The following BEGAIN variants were observed in gnomAD, a reference collection of about 807,000 sequenced individuals.
BEGAIN encodes the protein brain-enriched guanylate kinase-associated protein.
BEGAIN carries 19 observed loss-of-function variants against 35.8 expected under a neutral mutation model. The ratio of observed to expected loss-of-function variants is 0.53; its 90% CI spans 0.37 to 0.78. The LOEUF is 0.78. Among genes scored for constraint, BEGAIN ranks in the 30% least tolerant of loss-of-function variants. The pLI is 0.00. For synonymous variants in BEGAIN, 462 were observed against 388.6 expected, an observed-to-expected ratio of 1.19 and a Z score of -2.22; for missense variants, 795 against 853.6, an observed-to-expected ratio of 0.93 and a Z score of 0.85.
chr14:100,579,695 A>T (rs943342445), intron 1 of BEGAIN, among the ~76,000 whole-genome samples: 2 of 152,160 alleles, frequency 1.3e-5, no homozygotes, highest in Non-Finnish European at 2.9e-5. Flanking sequence ...ACCTCTCTGA[A>T]TGCCCAAAGC....
rs1410157609 is a variant in BEGAIN at position 100,558,143 on chromosome 14, A to G, written c.71+9768T>C. 1.3e-5 allele frequency among the ~76,000 whole-genome samples: 2 copies of G among 152,096 alleles called. No homozygotes were observed. Among genetic ancestry groups the G allele is most frequent in the Non-Finnish European group, 2.9e-5 (2 of 68,030 alleles). On this transcript the variant is annotated intron_variant, in intron 2 of 6. Coordinates refer to ENST00000554140, the MANE Select transcript of BEGAIN (RefSeq NM_001385089.1). The surrounding 1 kb of genome is among the most constrained non-coding windows in gnomAD (Gnocchi z 4.6). ...CGTGGTTGCTCTTCCCATATTGAGA[A>G]CAACCCTCTCTTCACCCTCCAGGTA...
rs1330441252 is a variant in BEGAIN at position 100,558,189 on chromosome 14, A to G, written c.71+9722T>C. Among the ~76,000 whole-genome samples, 1 of 144,892 alleles carries G rather than the reference A, an allele frequency of 6.9e-6. No homozygotes were observed. Among genetic ancestry groups the G allele is most frequent in the Admixed American group, 7.6e-5 (1 of 13,072 alleles). On this transcript the variant is annotated intron_variant, in intron 2 of 6. Coordinates refer to ENST00000554140, the MANE Select transcript of BEGAIN (RefSeq NM_001385089.1). This position sits in a 1 kb window ranked among gnomAD's most constrained non-coding sequence, Gnocchi z 4.6. ...AGGTACAGTCCCTGTTCCCTGATCA[A>G]TGAAAGTGTCTGACCTTTCTGCCTC... is the stretch of plus-strand genomic sequence containing the variant.
At chr14:100,556,964 G>A (rs1010114182) in intron 2 of BEGAIN, among the ~76,000 whole-genome samples, 2 of 152,236 alleles carry the variant, frequency 1.3e-5, no homozygotes, top group Non-Finnish European at 2.9e-5. Context: ...GATTGTAGAG[G>A]AAGAGCCCAG....
At chr14:100,547,052 G>A (rs1381900454) in intron 2 of BEGAIN, 3 of 161,818 alleles carry the variant, frequency 1.9e-5, no homozygotes, top group Non-Finnish European at 4.0e-5. Flanking sequence ...CTATCACAGA[G>A]CTGGCCCTGG....
chr14:100,584,796 G>A (rs1006600235), intron 1 of BEGAIN, among the ~76,000 whole-genome samples: 8 of 152,212 alleles, frequency 5.3e-5, no homozygotes, highest in East Asian at 1.9e-4. Flanking sequence ...GCAGACCTCC[G>A]TCCAGGCCTC....
At chr14:100,540,910 G>A (rs2031511380) in intron 5 of BEGAIN, among the ~76,000 whole-genome samples, 1 of 152,186 alleles carries the variant, frequency 6.6e-6, no homozygotes, top group African/African-American at 2.4e-5. Context: ...GCTCCCCCAG[G>A]CTCGTAGAGC....
intron 2 of BEGAIN, among the ~76,000 whole-genome samples, chr14:100,561,732 T>G (rs1286513652): frequency 1.3e-5 from 2 of 151,834 alleles, no homozygotes; most frequent in African/African-American, 2.4e-5. Context: ...AAAAAAAATT[T>G]GCTGAAGGCC....
Position 100,537,636 on chromosome 14 carries a change from G to C in BEGAIN, c.*333C>G, listed in dbSNP as rs957147427. ...AAACGCCAAGGCAGCCGTCCAGGGA[G>C]CTGGAGGCCAAGTGCGTTAAGAAAG... On this transcript the variant is annotated 3_prime_UTR_variant, in exon 7 of 7. Transcript: ENST00000554140. 11 of 283,712 alleles carry C rather than the reference G, an allele frequency of 3.9e-5. No individual in the cohort carries two copies. The highest frequency in any genetic ancestry group is 3.9e-4 in the Admixed American group (8 of 20,772). The allele number at this position is 283,712 out of a possible 1,614,324, so 17.6% of individuals were successfully genotyped here.
Position 100,568,088 on chromosome 14 carries a change from T to C in BEGAIN, c.43-149A>G, listed in dbSNP as rs544677987. On this transcript the variant is annotated intron_variant, in intron 1 of 6. Transcript: ENST00000554140. This position sits in a 1 kb window ranked among gnomAD's most constrained non-coding sequence, Gnocchi z 7.5. ...GGCGCCGCGCGTCCCCAGCTTCCAG[T>C]CCCGGCCGCGGCCCCCGTGACTCAG... 1,792 of 1,050,554 alleles carry C rather than the reference T, an allele frequency of 1.7e-3. 27 individuals carry two copies. In the African/African-American group the frequency reaches 0.027, roughly 16 times the overall value. 65.1% of individuals were successfully genotyped at this position (1,050,554 alleles called of 1,614,324 possible). A position where few individuals can be genotyped will look rare whatever the true frequency, so the allele number is the denominator to read the frequency against.
chr14:100,538,591 C>T lies in BEGAIN; in HGVS notation c.1217G>A (p.Gly406Asp). ...AETFRFPASP[G>D]PQQALMPPNL... is the part of the protein sequence containing the mutation. ...TGGGGGCATCAGGGCCTGCTGGGGACCCGGAGAGGCCGGGAAGCGGAAGGT... is the reference window on the plus strand; with the variant it reads ...TGGGGGCATCAGGGCCTGCTGGGGATCCGGAGAGGCCGGGAAGCGGAAGGT... The change falls in exon 7 of 7, where the codon GGT becomes GAT. Residue 406 changes from glycine to aspartate, a missense_variant. Gly to Asp is a moderately conservative substitution (Grantham distance 94). Around this residue, in one of 3 missense-constraint regions of BEGAIN, gnomAD observed 664 missense variants for 647.7 expected, o/e 1.03. Coordinates refer to ENST00000554140, the MANE Select transcript of BEGAIN (RefSeq NM_001385089.1). The T allele has an allele frequency of 6.5e-7, 1 of 1,546,526 alleles. No homozygotes were observed. Among genetic ancestry groups the T allele is most frequent in the Non-Finnish European group, 8.7e-7 (1 of 1,145,302 alleles).
At chr14:100,552,073 C>G (rs2033263538) in intron 2 of BEGAIN, among the ~76,000 whole-genome samples, 1 of 152,164 alleles carries the variant, frequency 6.6e-6, no homozygotes, top group South Asian at 2.1e-4. Context: ...GCCTCCTCCT[C>G]CCAGCCCTTG....
intron 2 of BEGAIN, chr14:100,547,605 G>C (rs931899768): frequency 6.6e-6 from 1 of 152,380 alleles, no homozygotes; most frequent in Non-Finnish European, 1.5e-5. Flanking sequence ...GGGTCAGAGT[G>C]GGGTCAGCAG....
rs566462180 is a variant in BEGAIN, at chr14:100,580,354, A to G, written c.42+6895T>C. Among the ~76,000 whole-genome samples the G allele has an allele frequency of 3.2e-4, 48 of 152,220 alleles. 1 individual carries two copies. The South Asian group carries it at 9.3e-3, about 30-fold the overall frequency. On this transcript the variant is annotated intron_variant, in intron 1 of 6. Coordinates refer to ENST00000554140, the MANE Select transcript of BEGAIN (RefSeq NM_001385089.1). ...AATAAATAAAATCACAGGCCAGGTG[A>G]CTAGACAACGTCACACCTTCATATA...
rs759764017 is a variant in BEGAIN at position 100,563,681 on chromosome 14, G to A, written c.71+4230C>T. Among the ~76,000 whole-genome samples the A allele has an allele frequency of 1.8e-4, 28 of 152,188 alleles. No individual in the cohort carries two copies. The highest frequency in any genetic ancestry group is 4.0e-4 in the Non-Finnish European group (27 of 68,050). On this transcript the variant is annotated intron_variant, in intron 2 of 6. Coordinates refer to ENST00000554140, the MANE Select transcript of BEGAIN (RefSeq NM_001385089.1). This position sits in a 1 kb window ranked among gnomAD's most constrained non-coding sequence, Gnocchi z 4.2. ...CGATCTTCCAGAGCTGACCCTATGC[G>A]CACCCTGTGCCCCGGAGGTTCCACT...
At chr14:100,551,943 C>T (rs577244245) in intron 2 of BEGAIN, among the ~76,000 whole-genome samples, 1 of 152,308 alleles carries the variant, frequency 6.6e-6, no homozygotes, top group Non-Finnish European at 1.5e-5. Flanking sequence ...CAGGTCTACC[C>T]TCAGCAAATG....
chr14:100,555,586 T>G (rs1480741685), intron 2 of BEGAIN, among the ~76,000 whole-genome samples: 1 of 152,204 alleles, frequency 6.6e-6, no homozygotes, highest in Non-Finnish European at 1.5e-5. Context: ...TTCACAGCGC[T>G]CAAGGAACAG....
chr14:100,567,903 C>T lies in BEGAIN; in HGVS notation c.71+8G>A, dbSNP rs1334125683. On this transcript the variant is annotated splice_region_variant and intron_variant, in intron 2 of 6. Transcript: ENST00000554140. This position sits in a 1 kb window ranked among gnomAD's most constrained non-coding sequence, Gnocchi z 5.1. ...CGCGAGCCGCGGCACGGGAGACGCT[C>T]CACTCACCTGAGTTTCTCCATGTCT... The T allele has an allele frequency of 6.5e-5, 96 of 1,467,804 alleles. No individual in the cohort carries two copies. Among genetic ancestry groups the T allele is most frequent in the Non-Finnish European group, 8.4e-5 (93 of 1,100,940 alleles). The allele number at this position is 1,467,804 out of a possible 1,614,324, so 90.9% of individuals were successfully genotyped here.
chr14:100,546,775 C>A (rs1353696813), intron 2 of BEGAIN, 113 bp from the exon 3 acceptor site: 1 of 717,936 alleles, frequency 1.4e-6, no homozygotes, highest in African/African-American at 3.0e-5. Context: ...CGCGCGCGCG[C>A]GCGCGCACAC....
intron 2 of BEGAIN, among the ~76,000 whole-genome samples, chr14:100,562,231 G>A (rs1036784131): frequency 6.6e-6 from 1 of 152,066 alleles, no homozygotes; most frequent in Non-Finnish European, 1.5e-5. Flanking sequence ...TCCTGAAGGT[G>A]GGTGCCGCCA....
Sources: allele counts gnomAD v4.1 joint callset (sites outside exome capture counted in the v4.1 genomes callset), GRCh38; gene constraint gnomAD v4.1.1; regional missense constraint gnomAD v4.1.1; non-coding constraint Gnocchi (gnomAD v3.1); transcripts MANE v1.5; gene names NCBI Gene and HGNC (gene_info 2026-07-23, HGNC 2026-07-21).